Variants in PTGDS observed in about 807,000 individuals in gnomAD.
The protein encoded by PTGDS is prostaglandin D2 synthase.
Under a neutral mutation model 28.4 loss-of-function variants are expected in PTGDS, and 21 were observed. The ratio of observed to expected loss-of-function variants is 0.74; its 90% CI spans 0.52 to 1.07. The LOEUF (loss-of-function observed/expected upper bound fraction) is 1.07. Among genes scored for constraint, PTGDS ranks in the 50% least tolerant of loss-of-function variants. The probability of loss-of-function intolerance (pLI) is 0.00; values close to 1 mark genes in which losing one functional copy is unlikely to be tolerated. For missense variants in PTGDS, 243 were observed against 247.7 expected (o/e 0.98, Z 0.13); for synonymous variants, 102 against 106.0 (o/e 0.96, Z 0.23).
rs748744537 is a variant in PTGDS, at chr9:136,977,665, C to G, written c.87C>G (p.Ser29=). The G allele has an allele frequency of 3.1e-6, 5 of 1,605,030 alleles. No homozygotes were observed. In the Admixed American group the frequency reaches 6.8e-5, roughly 22 times the overall value. The change falls in exon 1 of 7, where the codon TCC becomes TCG. Residue 29 remains serine, a synonymous_variant. Coordinates refer to ENST00000371625, the MANE Select transcript of PTGDS (RefSeq NM_000954.6). ...AGGCAGCACCGGAGGCCCAGGTCTC[C>G]GTGCAGCCCAACTTCCAGCAGGACA... ...DLQAAPEAQV[S]VQPNFQQDKF... is the part of the protein sequence containing the mutation.
Position 136,979,522 on chromosome 9 carries a change from C to T in PTGDS, c.331+223C>T, listed in dbSNP as rs141656213. The T allele has an allele frequency of 7.0e-4, 985 of 1,402,280 alleles. 6 individuals carry two copies. The African/African-American group carries it at 0.012, about 18-fold the overall frequency. The allele number at this position is 1,402,280 out of a possible 1,614,324, so 86.9% of individuals were successfully genotyped here. ...GGGTTGGATCCTCTCTGGAGCCCAC[C>T]ATTGTCTTGTCAGGCCCCTTCCCTG... On this transcript the variant is annotated intron_variant, in intron 3 of 6. Coordinates refer to ENST00000371625, the MANE Select transcript of PTGDS (RefSeq NM_000954.6).
rs1191402408 is a variant in PTGDS at position 136,979,001 on chromosome 9, G to GCGCT, written c.124_127dup (p.Trp43SerfsTer49). ...GGGGTCGCTCGCCGCAGTTCCTGGG[G>GCGCT]CGCTGGTTCAGCGCGGGCCTCGCCT... On this transcript the variant is annotated frameshift_variant, in exon 2 of 7. Transcript: ENST00000371625. LOFTEE classifies it high-confidence loss of function. 3 of 1,608,170 alleles carry GCGCT rather than the reference G, an allele frequency of 1.9e-6. No homozygotes were observed. The South Asian group carries it at 3.3e-5, about 18-fold the overall frequency.
chr9:136,981,721 A>G lies in PTGDS; in HGVS notation c.*143A>G, dbSNP rs1252781469. On this transcript the variant is annotated 3_prime_UTR_variant, in exon 7 of 7. Coordinates refer to ENST00000371625, the MANE Select transcript of PTGDS (RefSeq NM_000954.6). ...CCACTCAGGCTTCATCCTGCACAAT[A>G]AACTCCGGAAGCAAGTCAGTAGAGC... 2 of 152,028 alleles carry G rather than the reference A, an allele frequency of 1.3e-5. No individual in the cohort carries two copies. The highest frequency in any genetic ancestry group is 4.8e-5 in the African/African-American group (2 of 41,278). The allele number at this position is 152,028 out of a possible 1,614,324, so 9.4% of individuals were successfully genotyped here. A position where few individuals can be genotyped will look rare whatever the true frequency, so the allele number is the denominator to read the frequency against.
chr9:136,981,072 TC>T, intron 6 of PTGDS: 1 of 664,480 alleles, frequency 1.5e-6, no homozygotes. Flanking sequence ...GGAAAACCTG[TC>T]CCAGTGGCTG....
rs775507446 is a variant in PTGDS at position 136,978,981 on chromosome 9, C to T, written c.115-12C>T. 2 of 1,603,348 alleles carry T rather than the reference C, an allele frequency of 1.2e-6. No individual in the cohort carries two copies. The highest frequency in any genetic ancestry group is 1.7e-6 in the Non-Finnish European group (2 of 1,178,082). ...GGTCCTGGCCGACGCGGGTGGGGGTCGCTCGCCGCAGTTCCTGGGGCGCTG... is the reference window on the plus strand; with the variant it reads ...GGTCCTGGCCGACGCGGGTGGGGGTTGCTCGCCGCAGTTCCTGGGGCGCTG... On this transcript the variant is annotated splice_polypyrimidine_tract_variant and intron_variant, in intron 1 of 6. Transcript: ENST00000371625.
rs555766403 is a variant in PTGDS, at chr9:136,980,984, C to T, written c.*129C>T. 190 of 1,338,256 alleles carry T rather than the reference C, an allele frequency of 1.4e-4. 1 individual carries two copies. In the South Asian group the frequency reaches 1.9e-3, roughly 13 times the overall value. 82.9% of individuals were successfully genotyped at this position (1,338,256 alleles called of 1,614,324 possible). On this transcript the variant is annotated intron_variant, in intron 6 of 6. Transcript: ENST00000371625. ...CCTGGTGCTGCAGACCCATCCTTCC[C>T]GATGGCTGCAGTCCAGGGCCGGGCG...
chr9:136,980,185 C>G lies in PTGDS; in HGVS notation c.451C>G (p.Arg151Gly), dbSNP rs1440837528. 1.2e-6 allele frequency: 2 copies of G among 1,613,620 alleles called. No homozygotes were observed. The highest frequency in any genetic ancestry group is 1.7e-6 in the Non-Finnish European group (2 of 1,179,944). Residue 151 changes from arginine to glycine, a missense_variant and splice_region_variant, in exon 5 of 7, where the codon CGA (arginine) becomes GGA (glycine). By Grantham distance (125) the Arg-to-Gly change is moderately radical (BLOSUM62 -2). Transcript: ENST00000371625. ...GCTCCGTCTCCACCCTGTCCCAGGC[C>G]GAACCCAGACCCCCAGGGCTGAGTT... is the stretch of plus-strand genomic sequence containing the variant. ...EDFRMATLYS[R>G]TQTPRAELKE...
intron 5 of PTGDS, 92 bp from the exon 6 acceptor site, chr9:136,980,741 A>G: frequency 6.2e-7 from 1 of 1,613,594 alleles, no homozygotes; most frequent in Non-Finnish European, 8.5e-7. Flanking sequence ...AGTCAAGACG[A>G]GCTCTGCGTT....
At chr9:136,977,731 A>T (rs764104832) in intron 1 of PTGDS, 39 bp downstream of exon 1, 1 of 1,503,788 alleles carries the variant, frequency 6.6e-7, no homozygotes, top group Non-Finnish European at 8.9e-7. Flanking sequence ...GGGCTACAGG[A>T]CCCTGTCAGG....
intron 3 of PTGDS, 102 bp downstream of exon 3, chr9:136,979,401 G>C: frequency 6.4e-7 from 1 of 1,570,834 alleles, no homozygotes; most frequent in Non-Finnish European, 8.6e-7. Context: ...TGGGGTGGGA[G>C]GTGATGGCTG....
Position 136,980,929 on chromosome 9 carries a change from G to T in PTGDS, c.*74G>T, listed in dbSNP as rs1003116723. On this transcript the variant is annotated intron_variant, in intron 6 of 6. Transcript: ENST00000371625. Reference sequence around the variant, plus strand: ...AACACACATCCACCCAACCCACTCTGCGATGGGATGGATCAGGGCCCCAGG... The same window carrying T: ...AACACACATCCACCCAACCCACTCTTCGATGGGATGGATCAGGGCCCCAGG... The T allele has an allele frequency of 1.7e-5, 26 of 1,510,164 alleles. No individual in the cohort carries two copies. In the African/African-American group the frequency reaches 3.4e-4, roughly 20 times the overall value. The allele number at this position is 1,510,164 out of a possible 1,614,324, so 93.5% of individuals were successfully genotyped here. A position where few individuals can be genotyped will look rare whatever the true frequency, so the allele number is the denominator to read the frequency against.
intron 3 of PTGDS, 116 bp from the exon 4 acceptor site, chr9:136,979,830 C>A: frequency 1.0e-6 from 1 of 994,796 alleles, no homozygotes; most frequent in Non-Finnish European, 1.6e-6. Flanking sequence ...GGGGGAGCAT[C>A]CCGGGCCAGC....
At chr9:136,981,459 T>A (rs1217305776) in intron 6 of PTGDS, 120 bp from the exon 7 acceptor site, 1 of 152,844 alleles carries the variant, frequency 6.5e-6, no homozygotes, top group Non-Finnish European at 1.5e-5. Flanking sequence ...TCAGCGGGGC[T>A]CAGTGGGGCT....
rs192576424 is a variant in PTGDS at position 136,979,236 on chromosome 9, G to C, written c.268G>C (p.Glu90Gln). The C allele has an allele frequency of 2.5e-6, 4 of 1,612,878 alleles. No homozygotes were observed. In the South Asian group the frequency reaches 4.4e-5, roughly 18 times the overall value. The change falls in exon 3 of 7, where the codon GAG (glutamate) becomes CAG (glutamine). Residue 90 changes from glutamate to glutamine, a missense_variant. Physicochemically the swap from Glu to Gln is conservative, Grantham distance 29. Coordinates refer to ENST00000371625, the MANE Select transcript of PTGDS (RefSeq NM_000954.6). ...ACCCACCTACAGGAAAAACCAGTGTGAGACCCGAACCATGCTGCTGCAGCC... is the reference window on the plus strand; with the variant it reads ...ACCCACCTACAGGAAAAACCAGTGTCAGACCCGAACCATGCTGCTGCAGCC... ...TSTFLRKNQC[E>Q]TRTMLLQPAG... is the part of the protein sequence containing the mutation.
intron 1 of PTGDS, among the ~76,000 whole-genome samples, chr9:136,978,195 C>T (rs897367950): frequency 6.6e-6 from 1 of 151,346 alleles, no homozygotes; most frequent in Non-Finnish European, 1.5e-5. Context: ...TCCCTGGCGT[C>T]GAGGAGAACC....
In PTGDS at chr9:136,980,866, CCATTCATTCATTCATTCATT is replaced by C. The variant is rs146717258; in HGVS notation, c.*30_*49del. On this transcript the variant is annotated intron_variant, in intron 6 of 6. Coordinates refer to ENST00000371625, the MANE Select transcript of PTGDS (RefSeq NM_000954.6). The stretch of plus-strand genomic sequence containing the variant: ...ATGACGGAACAATAGGTGAGCCACT[CCATTCATTCATTCATTCATT>C]CATTCATTCATTCATTCAACACACA... 1.6e-5 allele frequency: 21 copies of C among 1,319,586 alleles called. No individual in the cohort carries two copies. Among genetic ancestry groups the C allele is most frequent in the Admixed American group, 1.1e-4 (5 of 43,522 alleles). 81.7% of individuals were successfully genotyped at this position (1,319,586 alleles called of 1,614,324 possible). A position where few individuals can be genotyped will look rare whatever the true frequency, so the allele number is the denominator to read the frequency against.
chr9:136,979,757 T>C (rs1252159629), intron 3 of PTGDS, 189 bp from the exon 4 acceptor site: 2 of 669,790 alleles, frequency 3.0e-6, no homozygotes, highest in East Asian at 5.1e-5. Flanking sequence ...AGATTCTGGT[T>C]TGGGGACAGG....
At chr9:136,977,713 A>G in intron 1 of PTGDS, 21 bp downstream of exon 1, 2 of 1,551,668 alleles carry the variant, frequency 1.3e-6, no homozygotes, top group Non-Finnish European at 1.7e-6. Flanking sequence ...TTCCTGCGTC[A>G]TCCCCAAGGG....
rs749983173 is a variant in PTGDS at position 136,979,016 on chromosome 9, G to A, written c.138G>A (p.Ala46=). The A allele has an allele frequency of 1.9e-6, 3 of 1,608,592 alleles. No individual in the cohort carries two copies. Among genetic ancestry groups the A allele is most frequent in the East Asian group, 4.5e-5 (2 of 44,810 alleles). ...QDKFLGRWFS[A]GLASNSSWLR... is the part of the protein sequence containing the mutation. ...AGTTCCTGGGGCGCTGGTTCAGCGC[G>A]GGCCTCGCCTCCAACTCGAGCTGGC... Residue 46 remains alanine, a synonymous_variant, in exon 2 of 7, where the codon GCG becomes GCA. Coordinates refer to ENST00000371625, the MANE Select transcript of PTGDS (RefSeq NM_000954.6).
Sources: gnomAD v4.1 joint callset for allele counts (sites outside exome capture counted in the v4.1 genomes callset) on GRCh38, gnomAD v4.1.1 for gene constraint, MANE v1.5 for transcripts, NCBI Gene and HGNC (gene_info 2026-07-23, HGNC 2026-07-21) for gene names.